The following PPARGC1A variants were observed in gnomAD, a reference collection of about 807,000 sequenced individuals.
PPARGC1A encodes PPARG coactivator 1 alpha.
Under a neutral mutation model 88.7 loss-of-function variants are expected in PPARGC1A, and 25 were observed. The observed-to-expected ratio is 0.28, with a 90% CI of 0.21 to 0.39. The LOEUF is 0.39. Among genes scored for constraint, PPARGC1A ranks in the 10% least tolerant of loss-of-function variants. The pLI is 1.00. For synonymous variants in PPARGC1A, 363 were observed against 355.6 expected (o/e 1.02, Z -0.24); for missense variants, 880 against 968.7 (o/e 0.91, Z 1.22).
chr4:23,832,810 C>T (rs1478578016), intron 2 of PPARGC1A, among the ~76,000 whole-genome samples: 1 of 151,872 alleles, frequency 6.6e-6, no homozygotes, highest in Non-Finnish European at 1.5e-5. Context: ...TGGGGTTTCA[C>T]CATGTTAGCC....
At chr4:24,321,913 A>G in the PPARGC1A span, among the ~76,000 whole-genome samples, 1 of 148,188 alleles carries the variant, frequency 6.7e-6, no homozygotes, top group Admixed American at 6.6e-5. Context: ...TGTTCGTAAA[A>G]AAGAAATAAT....
chr4:24,093,108 A>T, the PPARGC1A span, among the ~76,000 whole-genome samples: 1 of 152,192 alleles, frequency 6.6e-6, no homozygotes, highest in Non-Finnish European at 1.5e-5. Context: ...CAAACATTCT[A>T]TGAGGTTATT....
the PPARGC1A span, among the ~76,000 whole-genome samples, chr4:24,322,541 G>A: frequency 6.6e-6 from 1 of 152,240 alleles, no homozygotes; most frequent in African/African-American, 2.4e-5. Flanking sequence ...CCATGTGTAT[G>A]TGAGTGTGTG....
the PPARGC1A span, among the ~76,000 whole-genome samples, chr4:24,257,875 GAAAT>G: frequency 6.6e-6 from 1 of 151,838 alleles, no homozygotes; most frequent in African/African-American, 2.4e-5. Context: ...TGAGAGAAGA[GAAAT>G]AAAGACACCT....
chr4:24,002,095 C>CAGAGAG, the PPARGC1A span, among the ~76,000 whole-genome samples: 387 of 116,866 alleles, frequency 3.3e-3, 1 homozygote, highest in African/African-American at 8.7e-3. Flanking sequence ...CACACACACA[C>CAGAGAG]ACAGAGAGAG....
chr4:24,412,605 C>A, the PPARGC1A span, among the ~76,000 whole-genome samples: 7 of 152,236 alleles, frequency 4.6e-5, no homozygotes, highest in South Asian at 1.5e-3. Context: ...CTCAGCCTCC[C>A]GAGTAGCTGG....
intron 2 of PPARGC1A, among the ~76,000 whole-genome samples, chr4:23,872,747 C>A (rs542539827): frequency 2.0e-5 from 3 of 152,208 alleles, no homozygotes; most frequent in African/African-American, 7.2e-5. Context: ...TGGCCAGACA[C>A]TAAGCATGCT....
the PPARGC1A span, among the ~76,000 whole-genome samples, chr4:23,938,395 A>G: frequency 1.3e-5 from 2 of 152,198 alleles, no homozygotes; most frequent in South Asian, 2.1e-4. Context: ...TTATTCTTTC[A>G]TTAAATGATT....
chr4:23,856,227 T>G (rs58236409), intron 2 of PPARGC1A, among the ~76,000 whole-genome samples: 8,938 of 152,236 alleles, frequency 0.059, 405 homozygotes, highest in African/African-American at 0.12. Flanking sequence ...CAGCAATCAT[T>G]GCAAATGCCA....
At chr4:24,340,391 A>G in the PPARGC1A span, among the ~76,000 whole-genome samples, 1 of 152,236 alleles carries the variant, frequency 6.6e-6, no homozygotes, top group Non-Finnish European at 1.5e-5. Flanking sequence ...ATTTCTCTGT[A>G]AGATTTGCAG....
intron 2 of PPARGC1A, among the ~76,000 whole-genome samples, chr4:23,850,929 T>C (rs1257389394): frequency 6.6e-6 from 1 of 152,230 alleles, no homozygotes; most frequent in African/African-American, 2.4e-5. Context: ...TTTATAGGTA[T>C]ACATTTAAAC....
chr4:24,176,805 G>T, the PPARGC1A span, among the ~76,000 whole-genome samples: 2 of 152,242 alleles, frequency 1.3e-5, no homozygotes, highest in Admixed American at 1.3e-4. Context: ...AAAAGTGGGG[G>T]TGCAGGCAAA....
At chr4:24,156,720 G>A in the PPARGC1A span, among the ~76,000 whole-genome samples, 83 of 150,460 alleles carry the variant, frequency 5.5e-4, no homozygotes, top group Non-Finnish European at 5.9e-5. Flanking sequence ...TGGCTGTTGC[G>A]GTCTTTTCTC....
intron 12 of PPARGC1A, 143 bp downstream of exon 12, chr4:23,801,587 G>GT: frequency 2.1e-6 from 2 of 949,440 alleles, no homozygotes; most frequent in Non-Finnish European, 3.1e-6. Flanking sequence ...TGTCTTATAC[G>GT]TTTTTCTTAA....
the PPARGC1A span, among the ~76,000 whole-genome samples, chr4:24,458,628 A>G: frequency 2.6e-5 from 4 of 152,358 alleles, no homozygotes; most frequent in South Asian, 4.1e-4. Context: ...AGGCAATTAC[A>G]TTTGTACGGC....
the PPARGC1A span, among the ~76,000 whole-genome samples, chr4:23,970,489 T>C: frequency 6.6e-6 from 1 of 152,172 alleles, no homozygotes; most frequent in Non-Finnish European, 1.5e-5. Flanking sequence ...TCATGATTTA[T>C]ATGCTTGGCT....
At chr4:23,946,390 C>T in the PPARGC1A span, among the ~76,000 whole-genome samples, 1 of 152,024 alleles carries the variant, frequency 6.6e-6, no homozygotes, top group Non-Finnish European at 1.5e-5. Flanking sequence ...CAAGCAGTGC[C>T]CCTCACTAGC....
At chr4:24,233,080 C>G in the PPARGC1A span, among the ~76,000 whole-genome samples, 1 of 150,170 alleles carries the variant, frequency 6.7e-6, no homozygotes, top group African/African-American at 2.4e-5. Flanking sequence ...CTGCCTTGGG[C>G]CCCCTTTCTT....
chr4:24,449,837 A>G, the PPARGC1A span, among the ~76,000 whole-genome samples: 1 of 152,162 alleles, frequency 6.6e-6, no homozygotes, highest in Non-Finnish European at 1.5e-5. Context: ...CTCTCCTATA[A>G]TTGGATTGTA....
Sources: gnomAD v4.1 joint callset for allele counts (sites outside exome capture counted in the v4.1 genomes callset) on GRCh38, gnomAD v4.1.1 for gene constraint, MANE v1.5 for transcripts, NCBI Gene and HGNC (gene_info 2026-07-23, HGNC 2026-07-21) for gene names.